The following RBMX2 variants were observed in gnomAD, a reference collection of about 807,000 sequenced individuals.
RBMX2 encodes the protein RNA-binding motif protein, X-linked 2.
For missense variants in RBMX2, 191 were observed against 256.0 expected (o/e 0.75, Z 1.73); for synonymous variants, 77 against 94.3 (o/e 0.82, Z 1.07).
chrX:130,402,248 C>T lies in RBMX2; in HGVS notation c.6-7C>T, dbSNP rs1569459671. On this transcript the variant is annotated splice_region_variant and splice_polypyrimidine_tract_variant and intron_variant, in intron 1 of 5. Coordinates refer to ENST00000305536, the MANE Select transcript of RBMX2 (RefSeq NM_016024.4). Reference sequence around the variant, plus strand: ...CTACCCTCCCCACCCCCCCCGCCACCGTGAAGCCCTTTAACTAAGGTGAAG... The same window carrying T: ...CTACCCTCCCCACCCCCCCCGCCACTGTGAAGCCCTTTAACTAAGGTGAAG... The T allele has an allele frequency of 2.5e-6, 3 of 1,194,887 alleles. No homozygotes were observed. Among genetic ancestry groups the T allele is most frequent in the Non-Finnish European group, 3.4e-6 (3 of 887,201 alleles).
chrX:130,412,862 A>G lies in RBMX2; in HGVS notation c.*14A>G, dbSNP rs1300623947. ...TGGCGTCACTGAAGACTTCAGCTGCACAGTAGATTTGGAAATAATTATGTT... is the reference window on the plus strand; with the variant it reads ...TGGCGTCACTGAAGACTTCAGCTGCGCAGTAGATTTGGAAATAATTATGTT... On this transcript the variant is annotated 3_prime_UTR_variant, in exon 6 of 6. Coordinates refer to ENST00000305536, the MANE Select transcript of RBMX2 (RefSeq NM_016024.4). 1 of 1,179,848 alleles carries G rather than the reference A, an allele frequency of 8.5e-7. No homozygotes were observed. Among genetic ancestry groups the G allele is most frequent in the East Asian group, 3.0e-5 (1 of 33,523 alleles).
chrX:130,407,101 C>T (rs1437891107), intron 3 of RBMX2, among the ~76,000 whole-genome samples: 3 of 107,705 alleles, frequency 2.8e-5, no homozygotes, highest in African/African-American at 1.0e-4. Context: ...ATTTGAGGGT[C>T]AACATGAGTT....
At chrX:130,409,567 G>A (rs922307973) in intron 4 of RBMX2, among the ~76,000 whole-genome samples, 181 bp downstream of exon 4, 2 of 111,794 alleles carry the variant, frequency 1.8e-5, no homozygotes, top group African/African-American at 3.3e-5. Flanking sequence ...TTGGCTCATG[G>A]TCCTGCAGGA....
intron 3 of RBMX2, among the ~76,000 whole-genome samples, chrX:130,405,706 A>G (rs1358852746): frequency 9.0e-6 from 1 of 110,624 alleles, no homozygotes; most frequent in Non-Finnish European, 1.9e-5. Flanking sequence ...AACATTGCCA[A>G]ATTGCTCTCC....
chrX:130,408,976 T>C (rs1266570140), intron 3 of RBMX2, among the ~76,000 whole-genome samples: 1 of 112,187 alleles, frequency 8.9e-6, no homozygotes, highest in Non-Finnish European at 1.9e-5. Context: ...CTTATACCTT[T>C]GTTGTGTATT....
intron 5 of RBMX2, 131 bp downstream of exon 5, chrX:130,411,656 A>G (rs2034513190): frequency 1.6e-6 from 1 of 633,528 alleles, no homozygotes; most frequent in African/African-American, 2.3e-5. Flanking sequence ...TAATTGGGAA[A>G]GCAGGGAGTA....
intron 2 of RBMX2, among the ~76,000 whole-genome samples, 197 bp downstream of exon 2, chrX:130,402,567 A>T (rs1010098958): frequency 2.7e-5 from 3 of 111,741 alleles, no homozygotes; most frequent in Non-Finnish European, 5.6e-5. Context: ...ATCAGTGCTC[A>T]TGAGAGTTAC....
At chrX:130,406,554 T>G (rs2034486575) in intron 3 of RBMX2, among the ~76,000 whole-genome samples, 1 of 108,916 alleles carries the variant, frequency 9.2e-6, no homozygotes, top group African/African-American at 3.4e-5. Context: ...GTGCCTGTAG[T>G]CCCAGCTACT....
At chrX:130,410,020 A>G (rs183129567) in intron 4 of RBMX2, among the ~76,000 whole-genome samples, 1 of 112,391 alleles carries the variant, frequency 8.9e-6, no homozygotes, top group Admixed American at 9.4e-5. Context: ...CATTTAGGAA[A>G]AGAGCTGCAG....
intron 3 of RBMX2, among the ~76,000 whole-genome samples, chrX:130,406,083 T>C (rs1258019135): frequency 1.5e-5 from 1 of 66,177 alleles, no homozygotes; most frequent in Non-Finnish European, 2.4e-5. Flanking sequence ...TCTCGATCTC[T>C]TGACCTCGTG....
At chrX:130,402,711 G>A (rs977938358) in intron 2 of RBMX2, among the ~76,000 whole-genome samples, 1 of 111,499 alleles carries the variant, frequency 9.0e-6, no homozygotes, top group Non-Finnish European at 1.9e-5. Context: ...GCTAGTAAGC[G>A]CAACAGGCAG....
In RBMX2 at chrX:130,402,240, C is replaced by G. The variant is rs201413919; in HGVS notation, c.6-15C>G. 1.0e-3 allele frequency: 1,215 copies of G among 1,185,570 alleles called. 1 individual carries two copies. The highest frequency in any genetic ancestry group is 1.3e-3 in the Admixed American group (55 of 42,644). On this transcript the variant is annotated splice_polypyrimidine_tract_variant and intron_variant, in intron 1 of 5. Coordinates refer to ENST00000305536, the MANE Select transcript of RBMX2 (RefSeq NM_016024.4). ...TTTTCTGCCTACCCTCCCCACCCCC[C>G]CCGCCACCGTGAAGCCCTTTAACTA...
rs754965277 is a variant in RBMX2 at position 130,402,047 on chromosome X, C to T, written c.5+10C>T. ...AACCCGAGGAGATGAAGTAAGGCGT[C>T]AGCTTCCTTTTGAGGAAGGAGCAGC... On this transcript the variant is annotated intron_variant, in intron 1 of 5. Coordinates refer to ENST00000305536, the MANE Select transcript of RBMX2 (RefSeq NM_016024.4). The T allele has an allele frequency of 9.5e-5, 114 of 1,197,666 alleles. No homozygotes were observed. In the Middle Eastern group the frequency reaches 2.3e-3, roughly 24 times the overall value.
chrX:130,411,126 C>G (rs911924849), intron 4 of RBMX2: 1 of 295,234 alleles, frequency 3.4e-6, no homozygotes. Context: ...GCTGCTGGTA[C>G]AACTGCCCCA....
chrX:130,408,740 T>A (rs900826867), intron 3 of RBMX2, among the ~76,000 whole-genome samples: 2 of 112,029 alleles, frequency 1.8e-5, no homozygotes, highest in Middle Eastern at 4.2e-3. Flanking sequence ...TTCAAAGATA[T>A]CTATGTATCT....
Position 130,412,543 on chromosome X carries a change from C to G in RBMX2, c.664C>G (p.Gln222Glu). 5.8e-6 allele frequency: 7 copies of G among 1,209,241 alleles called. No homozygotes were observed. Among genetic ancestry groups the G allele is most frequent in the Non-Finnish European group, 7.8e-6 (7 of 894,866 alleles). Residue 222 changes from glutamine (Q) to glutamate (E), a missense_variant, in exon 6 of 6, where the codon CAG (glutamine) becomes GAG (glutamate). Gln to Glu is a conservative substitution (Grantham distance 29). Coordinates refer to ENST00000305536, the MANE Select transcript of RBMX2 (RefSeq NM_016024.4). ...RAQKSEPREG[Q>E]KLPKSRTAYS... ...TCAGAAGTCAGAGCCCAGGGAGGGG[C>G]AGAAGCTCCCCAAATCCAGGACGGC...
Position 130,411,489 on chromosome X carries a change from T to C in RBMX2, c.445T>C (p.Ser149Pro), listed in dbSNP as rs1445227180. The change falls in exon 5 of 6, where the codon TCT (serine) becomes CCT (proline). Residue 149 changes from serine (S) to proline (P), a missense_variant. Coordinates refer to ENST00000305536, the MANE Select transcript of RBMX2 (RefSeq NM_016024.4). ...CCCCTCACCAAGTTTGTCTGAGAGCTCTGAAGATGAAAAACCAACAAAAAA... is the reference window on the plus strand; with the variant it reads ...CCCCTCACCAAGTTTGTCTGAGAGCCCTGAAGATGAAAAACCAACAAAAAA... ...RTPSPSLSESSEDEKPTKKHK... is the reference protein window; with the variant it reads ...RTPSPSLSESPEDEKPTKKHK... 1.7e-6 allele frequency: 2 copies of C among 1,197,945 alleles called. No individual in the cohort carries two copies. The highest frequency in any genetic ancestry group is 2.2e-6 in the Non-Finnish European group (2 of 890,720).
At chrX:130,411,608 C>CTA in intron 5 of RBMX2, 83 bp downstream of exon 5, 3 of 913,516 alleles carry the variant, frequency 3.3e-6, no homozygotes, top group Non-Finnish European at 4.4e-6. Flanking sequence ...TGATAATCAA[C>CTA]TCAAGTGTGA....
chrX:130,412,278 G>T, intron 5 of RBMX2, 83 bp from the exon 6 acceptor site: 1 of 1,038,734 alleles, frequency 9.6e-7, no homozygotes, highest in South Asian at 2.5e-5. Context: ...ATTCAGAAAA[G>T]AAAGGTGCTT....
Sources: gnomAD v4.1 joint callset for allele counts (sites outside exome capture counted in the v4.1 genomes callset) on GRCh38, gnomAD v4.1.1 for gene constraint, MANE v1.5 for transcripts, NCBI Gene and HGNC (gene_info 2026-07-23, HGNC 2026-07-21) for gene names.